The following TM4SF20 variants were observed in gnomAD, a reference collection of about 807,000 sequenced individuals.
TM4SF20 encodes transmembrane 4 L six family member 20.
A neutral mutation model predicts 15.1 loss-of-function variants in TM4SF20; 13 were observed. The observed-to-expected ratio is 0.86, with a 90% CI of 0.56 to 1.36. TM4SF20 has a LOEUF of 1.36. Ranked by LOEUF, TM4SF20 falls within the 40% of genes most tolerant of loss-of-function variation. The pLI is 0.00. For synonymous variants in TM4SF20, 92 were observed against 96.6 expected, an observed-to-expected ratio of 0.95 and a Z score of 0.28; for missense variants, 282 against 268.4, an observed-to-expected ratio of 1.05 and a Z score of -0.35.
intron 1 of TM4SF20, among the ~76,000 whole-genome samples, chr2:227,376,107 G>C (rs1477788951): frequency 6.6e-6 from 1 of 152,172 alleles, no homozygotes; most frequent in Non-Finnish European, 1.5e-5. Context: ...GCCATAAAAT[G>C]AATATATTTC....
chr2:227,375,456 T>C (rs1323125571), intron 1 of TM4SF20, among the ~76,000 whole-genome samples: 2 of 152,166 alleles, frequency 1.3e-5, no homozygotes. Context: ...ATGTTTGTCA[T>C]GCCTAATGTC....
At chr2:227,372,409 G>A (rs1394458829) in intron 1 of TM4SF20, among the ~76,000 whole-genome samples, 3 of 152,106 alleles carry the variant, frequency 2.0e-5, no homozygotes, top group African/African-American at 4.8e-5. Context: ...ACTTTAGGAG[G>A]CCGAGGTGGG....
At chr2:227,378,893 C>T (rs568823995) in intron 1 of TM4SF20, among the ~76,000 whole-genome samples, 193 bp downstream of exon 1, 63 of 152,210 alleles carry the variant, frequency 4.1e-4, no homozygotes, top group Non-Finnish European at 7.3e-4. Flanking sequence ...AGCTCTCTAT[C>T]CTATACCACA....
At chr2:227,371,382 C>A (rs1353990946) in intron 1 of TM4SF20, among the ~76,000 whole-genome samples, 3 of 152,130 alleles carry the variant, frequency 2.0e-5, no homozygotes, top group African/African-American at 4.8e-5. Context: ...ACTCTCTTAC[C>A]CAGGCCAGAG....
At chr2:227,364,544 C>T (rs1366427352) in intron 3 of TM4SF20, among the ~76,000 whole-genome samples, 2 of 152,130 alleles carry the variant, frequency 1.3e-5, no homozygotes, top group Non-Finnish European at 2.9e-5. Flanking sequence ...ACTTTTAGCC[C>T]TAATACATCT....
At chr2:227,370,680 C>G (rs181679737) in intron 2 of TM4SF20, among the ~76,000 whole-genome samples, 1 of 152,236 alleles carries the variant, frequency 6.6e-6, no homozygotes, top group Non-Finnish European at 1.5e-5. Flanking sequence ...ATTGCTTGAT[C>G]CCGGGAGGCA....
At chr2:227,374,181 G>A (rs901988217) in intron 1 of TM4SF20, among the ~76,000 whole-genome samples, 1 of 150,976 alleles carries the variant, frequency 6.6e-6, no homozygotes, top group Non-Finnish European at 1.5e-5. Flanking sequence ...CTGAACTCTG[G>A]TAACTTTCTT....
In TM4SF20 at chr2:227,362,047, T is replaced by C. The variant is rs1282017569; in HGVS notation, c.*1677A>G. On this transcript the variant is annotated 3_prime_UTR_variant, in exon 4 of 4. Coordinates refer to ENST00000304568, the MANE Select transcript of TM4SF20 (RefSeq NM_024795.4). ...AGAAAAAAGGCTTATAAGCTCTTGATGTTACTAAATTTATTTAGGCAGCTA... is the reference window on the plus strand; with the variant it reads ...AGAAAAAAGGCTTATAAGCTCTTGACGTTACTAAATTTATTTAGGCAGCTA... 6.6e-6 allele frequency: 1 copy of C among 152,244 alleles called. No individual in the cohort carries two copies. Among genetic ancestry groups the C allele is most frequent in the Non-Finnish European group, 1.5e-5 (1 of 68,040 alleles). The allele number at this position is 152,244 out of a possible 1,614,324, so 9.4% of individuals were successfully genotyped here. A position where few individuals can be genotyped will look rare whatever the true frequency, so the allele number is the denominator to read the frequency against.
chr2:227,363,760 C>G lies in TM4SF20; in HGVS notation c.654G>C (p.Leu218=). The G allele has an allele frequency of 6.2e-7, 1 of 1,614,102 alleles. No homozygotes were observed. Among genetic ancestry groups the G allele is most frequent in the Non-Finnish European group, 8.5e-7 (1 of 1,180,016 alleles). The change falls in exon 4 of 4, where the codon CTG becomes CTC. Residue 218 remains leucine (L), a synonymous_variant. Coordinates refer to ENST00000304568, the MANE Select transcript of TM4SF20 (RefSeq NM_024795.4). The stretch of plus-strand genomic sequence containing the variant: ...GACTTCTTCGCTTAGAGACTCCACA[C>G]AGACAGCCAAGGAAACCGATGACTA... The part of the protein sequence containing the change: ...SQIVIGFLGC[L]CGVSKRRSQI...
Position 227,364,997 on chromosome 2 carries a change from G to A in TM4SF20, c.402-985C>T, listed in dbSNP as rs528243678. 2.1e-4 allele frequency among the ~76,000 whole-genome samples: 32 copies of A among 152,284 alleles called. No homozygotes were observed. In the South Asian group the frequency reaches 4.6e-3, roughly 22 times the overall value. On this transcript the variant is annotated intron_variant, in intron 3 of 3. Transcript: ENST00000304568. ...TTGATCTTGGCTCACTGCAACCTCC[G>A]CCTCCTGGGTTCCAGCAATTCTCCC...
At chr2:227,369,384 AT>A (rs1253651414) in intron 2 of TM4SF20, among the ~76,000 whole-genome samples, 4 of 142,852 alleles carry the variant, frequency 2.8e-5, no homozygotes, top group African/African-American at 1.0e-4. Context: ...AGGCACTGGT[AT>A]TTTTTTAAAT....
At chr2:227,378,962 A>T in intron 1 of TM4SF20, 124 bp downstream of exon 1, 1 of 865,552 alleles carries the variant, frequency 1.2e-6, no homozygotes, top group Non-Finnish European at 1.8e-6. Context: ...TTAATGCCAT[A>T]CTACTGCTCC....
In TM4SF20 at chr2:227,375,679, C is replaced by T. The variant is rs144313151; in HGVS notation, c.183+3407G>A. ...TAATTTTTTATATTTTTAGTAGAGACGGCGTTTCACCGTGTTAGCCAGGAC... is the reference window on the plus strand; with the variant it reads ...TAATTTTTTATATTTTTAGTAGAGATGGCGTTTCACCGTGTTAGCCAGGAC... On this transcript the variant is annotated intron_variant, in intron 1 of 3. Transcript: ENST00000304568. 6.6e-3 allele frequency among the ~76,000 whole-genome samples: 1,006 copies of T among 152,084 alleles called. 4 individuals carry two copies. Among genetic ancestry groups the T allele is most frequent in the African/African-American group, 0.019 (799 of 41,492 alleles).
chr2:227,378,845 C>T (rs988614222), intron 1 of TM4SF20, among the ~76,000 whole-genome samples: 1 of 152,188 alleles, frequency 6.6e-6, no homozygotes, highest in Non-Finnish European at 1.5e-5. Flanking sequence ...GAGATAATAA[C>T]CCAGCCAACT....
intron 2 of TM4SF20, among the ~76,000 whole-genome samples, chr2:227,368,331 TTATTTATATA>T (rs1307358426): frequency 1.5e-5 from 1 of 67,332 alleles, no homozygotes; most frequent in African/African-American, 6.8e-5. Flanking sequence ...CCGCCATCTA[TTATTTATATA>T]TATATATATA....
chr2:227,378,167 A>G (rs948156967), intron 1 of TM4SF20, among the ~76,000 whole-genome samples: 1 of 152,014 alleles, frequency 6.6e-6, no homozygotes, highest in African/African-American at 2.4e-5. Flanking sequence ...AACAAAAACA[A>G]GCCTCTTGGA....
chr2:227,368,069 G>A (rs1219162560), intron 2 of TM4SF20, among the ~76,000 whole-genome samples: 1 of 144,736 alleles, frequency 6.9e-6, no homozygotes, highest in East Asian at 2.0e-4. Context: ...TGTCGCCCAG[G>A]CTGGAGTGCA....
chr2:227,370,968 T>C lies in TM4SF20; in HGVS notation c.196A>G (p.Thr66Ala). Residue 66 changes from threonine (T) to alanine (A), a missense_variant, in exon 2 of 4, where the codon ACA becomes GCA. Coordinates refer to ENST00000304568, the MANE Select transcript of TM4SF20 (RefSeq NM_024795.4). ...TTTCTTGCTGTCAAGGACATTGTTG[T>C]TGCTGGAATGGCCTGGAAATGACAT... The part of the protein sequence containing the change: ...IGAGLMAIPA[T>A]TMSLTARKRA... 6.2e-7 allele frequency: 1 copy of C among 1,614,026 alleles called. No individual in the cohort carries two copies. Among genetic ancestry groups the C allele is most frequent in the African/African-American group, 1.3e-5 (1 of 75,044 alleles).
rs545820156 is a variant in TM4SF20 at position 227,367,432 on chromosome 2, G to C, written c.250-1188C>G. 1.3e-5 allele frequency among the ~76,000 whole-genome samples: 2 copies of C among 152,254 alleles called. 1 individual carries two copies. Among genetic ancestry groups the C allele is most frequent in the South Asian group, 4.2e-4 (2 of 4,816 alleles). On this transcript the variant is annotated intron_variant, in intron 2 of 3. Coordinates refer to ENST00000304568, the MANE Select transcript of TM4SF20 (RefSeq NM_024795.4). ...CTCATGCCTGTAGTCCCAGCACTTTGGGAGGCCAAGGAGGGTAGATTGCTT... is the reference window on the plus strand; with the variant it reads ...CTCATGCCTGTAGTCCCAGCACTTTCGGAGGCCAAGGAGGGTAGATTGCTT...
Sources: gnomAD v4.1 joint callset for allele counts (sites outside exome capture counted in the v4.1 genomes callset) on GRCh38, gnomAD v4.1.1 for gene constraint, MANE v1.5 for transcripts, NCBI Gene and HGNC (gene_info 2026-07-23, HGNC 2026-07-21) for gene names.